The following P3H2 variants were observed in gnomAD, a reference collection of about 807,000 sequenced individuals.
P3H2 encodes the protein leprecan-like 1.
In P3H2, 80 loss-of-function variants were observed where a neutral mutation model predicts 87.0. The ratio of observed to expected loss-of-function variants is 0.92; its 90% CI spans 0.77 to 1.11. The LOEUF is 1.11. Among genes scored for constraint, P3H2 ranks in the 50% least tolerant of loss-of-function variants. The pLI is 0.00. For missense variants in P3H2, 1,001 were observed against 923.9 expected (o/e 1.08, Z -1.08); for synonymous variants, 367 against 359.3 (o/e 1.02, Z -0.24).
rs150909483 is a variant in P3H2, at chr3:189,959,501, T to G, written c.2035-1497A>C. 2.0e-5 allele frequency among the ~76,000 whole-genome samples: 3 copies of G among 149,076 alleles called. No homozygotes were observed. The East Asian group carries it at 6.1e-4, about 30-fold the overall frequency. ...ATTCCCACCTATGAGTGAGAATATG[T>G]GGTGTTTGTTCTCTCTTCTTATTCA... is the stretch of plus-strand genomic sequence containing the variant. On this transcript the variant is annotated intron_variant, in intron 14 of 14. Transcript: ENST00000319332.
rs1219580245 is a variant in P3H2 at position 189,994,214 on chromosome 3, G to T, written c.703C>A (p.Gln235Lys). ...TCAACGAAATATTCTCTTAAGGCTT[G>T]TTCGAAGTGCCTGATAGCCATCTCA... ...DFEMAIRHFEQALREYFVEDT... is the reference protein window; with the variant it reads ...DFEMAIRHFEKALREYFVEDT... Residue 235 changes from glutamine to lysine, a missense_variant, in exon 3 of 15, where the codon CAA (glutamine) becomes AAA (lysine). Transcript: ENST00000319332. 1 of 1,613,762 alleles carries T rather than the reference G, an allele frequency of 6.2e-7. No individual in the cohort carries two copies. Among genetic ancestry groups the T allele is most frequent in the Non-Finnish European group, 8.5e-7 (1 of 1,179,844 alleles).
At chr3:190,045,198 G>C (rs1268181223) in intron 1 of P3H2, among the ~76,000 whole-genome samples, 2 of 152,146 alleles carry the variant, frequency 1.3e-5, no homozygotes, top group African/African-American at 2.4e-5. Context: ...AATTAGGGAA[G>C]GCTTAACAAG....
chr3:190,079,222 T>G (rs1455872176), intron 1 of P3H2, among the ~76,000 whole-genome samples: 1 of 151,740 alleles, frequency 6.6e-6, no homozygotes, highest in Non-Finnish European at 1.5e-5. Context: ...ATTCCTATAA[T>G]CCCAGCTACT....
At chr3:190,066,680 GA>G (rs1726516692) in intron 1 of P3H2, among the ~76,000 whole-genome samples, 2 of 152,140 alleles carry the variant, frequency 1.3e-5, no homozygotes, top group South Asian at 2.1e-4. Context: ...AAAAGTTTAT[GA>G]AAAAAATCTG....
At chr3:190,001,862 T>C (rs1020643099) in intron 1 of P3H2, among the ~76,000 whole-genome samples, 1 of 152,186 alleles carries the variant, frequency 6.6e-6, no homozygotes, top group Non-Finnish European at 1.5e-5. Flanking sequence ...TTTTTCTTCA[T>C]AGAACCAAAT....
chr3:189,994,823 C>T (rs1320382114), intron 2 of P3H2, among the ~76,000 whole-genome samples: 1 of 151,038 alleles, frequency 6.6e-6, no homozygotes, highest in Non-Finnish European at 1.5e-5. Flanking sequence ...AACTACATCA[C>T]TTTTTAAAAC....
intron 3 of P3H2, among the ~76,000 whole-genome samples, chr3:189,990,954 C>G (rs1420931850): frequency 3.3e-5 from 5 of 152,168 alleles, no homozygotes; most frequent in African/African-American, 9.7e-5. Flanking sequence ...GGTCCATTTT[C>G]CTAAACCAGA....
intron 1 of P3H2, among the ~76,000 whole-genome samples, chr3:190,004,808 T>C (rs1306591139): frequency 6.6e-6 from 1 of 152,084 alleles, no homozygotes; most frequent in East Asian, 1.9e-4. Flanking sequence ...TGGTTTTCAT[T>C]ATAATAAAGG....
At chr3:189,963,246 C>A (rs977338627) in intron 14 of P3H2, among the ~76,000 whole-genome samples, 8 of 152,146 alleles carry the variant, frequency 5.3e-5, no homozygotes, top group African/African-American at 1.9e-4. Context: ...GTGTCCTCAG[C>A]TAGTTTGCAT....
intron 1 of P3H2, among the ~76,000 whole-genome samples, chr3:190,010,119 C>T (rs1724539990): frequency 6.6e-6 from 1 of 151,984 alleles, no homozygotes; most frequent in African/African-American, 2.4e-5. Flanking sequence ...GCGTGTATGC[C>T]TAAAATACAC....
At chr3:190,015,014 A>G (rs1380054181) in intron 1 of P3H2, among the ~76,000 whole-genome samples, 1 of 151,976 alleles carries the variant, frequency 6.6e-6, no homozygotes, top group Non-Finnish European at 1.5e-5. Context: ...ATTTTATTTC[A>G]TTATTATTTT....
At chr3:190,027,138 CCAAA>C (rs1725108046) in intron 1 of P3H2, among the ~76,000 whole-genome samples, 1 of 152,170 alleles carries the variant, frequency 6.6e-6, no homozygotes, top group African/African-American at 2.4e-5. Flanking sequence ...ACTAACTTCA[CCAAA>C]CAAATGGGTT....
intron 1 of P3H2, among the ~76,000 whole-genome samples, chr3:190,095,490 T>C (rs1409343909): frequency 6.6e-6 from 1 of 150,486 alleles, no homozygotes; most frequent in East Asian, 1.9e-4. Flanking sequence ...GAGAATTTAA[T>C]TTCAAATTTC....
chr3:190,033,237 T>G (rs1435546814), intron 1 of P3H2, among the ~76,000 whole-genome samples: 1 of 152,232 alleles, frequency 6.6e-6, no homozygotes, highest in Non-Finnish European at 1.5e-5. Flanking sequence ...CCTCCTGCTG[T>G]GTGGCCCAGT....
At chr3:190,001,015 T>C (rs1724198106) in intron 1 of P3H2, among the ~76,000 whole-genome samples, 1 of 152,222 alleles carries the variant, frequency 6.6e-6, no homozygotes, top group Non-Finnish European at 1.5e-5. Context: ...GTTGCCTGTT[T>C]TACTTTCCTT....
intron 1 of P3H2, among the ~76,000 whole-genome samples, chr3:190,039,195 A>AAAT (rs1553877638): frequency 2.4e-4 from 36 of 151,116 alleles, no homozygotes; most frequent in African/African-American, 7.8e-4. Context: ...ATCTCAAAAA[A>AAAT]AAAAATAAAA....
intron 1 of P3H2, among the ~76,000 whole-genome samples, chr3:190,115,422 T>C (rs1423958708): frequency 7.8e-6 from 1 of 128,474 alleles, no homozygotes; most frequent in Non-Finnish European, 1.7e-5. Context: ...TTGGGAAAAG[T>C]GGGAGAAAAA....
intron 1 of P3H2, among the ~76,000 whole-genome samples, chr3:190,087,145 C>T (rs1727238206): frequency 6.6e-6 from 1 of 152,178 alleles, no homozygotes; most frequent in Non-Finnish European, 1.5e-5. Context: ...CAAATTCTTA[C>T]TCTGCATATT....
chr3:190,074,383 C>CA (rs777338921), intron 1 of P3H2, among the ~76,000 whole-genome samples: 39 of 152,020 alleles, frequency 2.6e-4, no homozygotes, highest in Admixed American at 4.6e-4. Flanking sequence ...CAGTGGCATG[C>CA]ACCTGTAATC....
Sources: allele counts gnomAD v4.1 joint callset (sites outside exome capture counted in the v4.1 genomes callset), GRCh38; gene constraint gnomAD v4.1.1; transcripts MANE v1.5; gene names NCBI Gene and HGNC (gene_info 2026-07-23, HGNC 2026-07-21).